The following NCAM2 variants were observed in gnomAD, a reference collection of about 807,000 sequenced individuals.
NCAM2 encodes neural cell adhesion molecule 2, also known as N-CAM-2.
In NCAM2, 30 loss-of-function variants were observed where a neutral mutation model predicts 98.1. The observed-to-expected ratio is 0.31, with a 90% CI of 0.23 to 0.41. NCAM2 has a LOEUF of 0.41. Ranked by LOEUF, NCAM2 falls within the 10% of genes least tolerant of loss-of-function variation. The probability of loss-of-function intolerance (pLI) is 1.00; values close to 1 mark genes in which losing one functional copy is unlikely to be tolerated. For synonymous variants in NCAM2, 368 were observed against 342.4 expected, an observed-to-expected ratio of 1.07 and a Z score of -0.83; for missense variants, 867 against 1,005.8, an observed-to-expected ratio of 0.86 and a Z score of 1.87.
At chr21:21,054,016 G>A (rs531149186) in intron 1 of NCAM2, among the ~76,000 whole-genome samples, 1 of 151,158 alleles carries the variant, frequency 6.6e-6, no homozygotes, top group Admixed American at 6.6e-5. Context: ...TTTGGAAGGT[G>A]ATCCTTGGAA....
chr21:21,237,521 T>C (rs544704431), intron 1 of NCAM2, among the ~76,000 whole-genome samples: 2 of 152,300 alleles, frequency 1.3e-5, no homozygotes, highest in East Asian at 1.9e-4. Flanking sequence ...CTTTAAATGA[T>C]CTTTTAGCTT....
At chr21:21,028,227 G>T (rs2146211052) in intron 1 of NCAM2, among the ~76,000 whole-genome samples, 1 of 152,204 alleles carries the variant, frequency 6.6e-6, no homozygotes, top group East Asian at 1.9e-4. Context: ...TCATTGGATT[G>T]TTGTTTTTAC....
rs76191754 is a variant in NCAM2 at position 21,513,844 on chromosome 21, A to G, written c.2282+4789A>G. ...TAGGATCTTTCTCTCTAGGTCAAAT[A>G]CTATTTGCATTATATATCAAGGTTT... On this transcript the variant is annotated intron_variant, in intron 16 of 17. Coordinates refer to ENST00000400546, the MANE Select transcript of NCAM2 (RefSeq NM_004540.5). Among the ~76,000 whole-genome samples, 1,237 of 152,190 alleles carry G rather than the reference A, an allele frequency of 8.1e-3. 8 individuals carry two copies. The highest frequency in any genetic ancestry group is 0.015 in the South Asian group (71 of 4,828).
At chr21:21,071,627 A>C (rs80011250) in intron 1 of NCAM2, among the ~76,000 whole-genome samples, 15,624 of 152,220 alleles carry the variant, frequency 0.1, 885 homozygotes, top group East Asian at 0.18. Flanking sequence ...AAATAAAGTT[A>C]GAAGTGAAAA....
intron 11 of NCAM2, among the ~76,000 whole-genome samples, chr21:21,426,911 A>T (rs959686715): frequency 4.6e-5 from 7 of 152,190 alleles, no homozygotes; most frequent in Admixed American, 3.9e-4. Flanking sequence ...GTATAATTTG[A>T]CTCTGAGTGT....
chr21:21,326,468 A>C lies in NCAM2; in HGVS notation c.737+1968A>C, dbSNP rs190973444. On this transcript the variant is annotated intron_variant, in intron 6 of 17. Transcript: ENST00000400546. ...CAACCCTTTCAAATAACAGCTTACC[A>C]ATTACTTCTCACCAGAATACCAAGA... Among the ~76,000 whole-genome samples, 53 of 152,284 alleles carry C rather than the reference A, an allele frequency of 3.5e-4. No individual in the cohort carries two copies. In the East Asian group the frequency reaches 9.5e-3, roughly 27 times the overall value.
At chr21:21,091,623 A>G (rs946312167) in intron 1 of NCAM2, among the ~76,000 whole-genome samples, 2 of 152,280 alleles carry the variant, frequency 1.3e-5, no homozygotes, top group Admixed American at 6.5e-5. Flanking sequence ...TCTTACATGG[A>G]TAAGGATTAC....
At chr21:21,523,456 T>A (rs1387810214) in intron 16 of NCAM2, among the ~76,000 whole-genome samples, 2 of 151,432 alleles carry the variant, frequency 1.3e-5, no homozygotes, top group African/African-American at 2.4e-5. Context: ...AGGCTGTCCT[T>A]TCCCTAATAT....
intron 16 of NCAM2, among the ~76,000 whole-genome samples, chr21:21,523,100 T>A (rs182067864): frequency 6.6e-6 from 1 of 152,232 alleles, no homozygotes; most frequent in Non-Finnish European, 1.5e-5. Flanking sequence ...TCCTTGTTAA[T>A]TGAATAGTTT....
chr21:21,506,810 A>G, intron 15 of NCAM2, among the ~76,000 whole-genome samples: 1 of 152,166 alleles, frequency 6.6e-6, no homozygotes, highest in South Asian at 2.1e-4. Context: ...ACATTAATAC[A>G]TTATTTTTTT....
At chr21:21,380,660 A>G (rs964399670) in intron 9 of NCAM2, among the ~76,000 whole-genome samples, 11 of 151,886 alleles carry the variant, frequency 7.2e-5, no homozygotes, top group African/African-American at 2.7e-4. Flanking sequence ...TCTTTCTCAC[A>G]TCATATCACT....
chr21:21,062,561 G>C (rs59818785), intron 1 of NCAM2, among the ~76,000 whole-genome samples: 26,973 of 152,124 alleles, frequency 0.18, 2,614 homozygotes, highest in Non-Finnish European at 0.19. Flanking sequence ...AGGAGCTAAC[G>C]CTACCGATAT....
chr21:21,482,512 A>C (rs1985980991), intron 15 of NCAM2, among the ~76,000 whole-genome samples: 1 of 152,120 alleles, frequency 6.6e-6, no homozygotes, highest in South Asian at 2.1e-4. Context: ...TGTCAAAATA[A>C]GTTTTCTGGA....
intron 1 of NCAM2, among the ~76,000 whole-genome samples, chr21:21,193,240 G>GTATGCA (rs1568747854): frequency 6.6e-6 from 1 of 151,502 alleles, no homozygotes; most frequent in East Asian, 1.9e-4. Context: ...AGGATTATAG[G>GTATGCA]TATGCAATAT....
chr21:21,286,179 C>A, intron 3 of NCAM2, 90 bp from the exon 4 acceptor site: 2 of 1,324,380 alleles, frequency 1.5e-6, no homozygotes, highest in South Asian at 1.5e-5. Context: ...ATTATAGTAT[C>A]AATAGAGTCT....
intron 1 of NCAM2, among the ~76,000 whole-genome samples, chr21:21,033,906 T>C (rs536982816): frequency 2.0e-5 from 3 of 152,260 alleles, no homozygotes; most frequent in South Asian, 2.1e-4. Flanking sequence ...TCCGAAAGTA[T>C]GTCAAAGTAA....
intron 1 of NCAM2, among the ~76,000 whole-genome samples, chr21:21,262,610 C>G (rs2071950031): frequency 6.8e-6 from 1 of 147,074 alleles, no homozygotes; most frequent in Admixed American, 6.9e-5. Flanking sequence ...TCCTCTCTCA[C>G]CACTCCTATT....
chr21:21,258,411 A>G (rs1225766691), intron 1 of NCAM2, among the ~76,000 whole-genome samples: 4 of 152,150 alleles, frequency 2.6e-5, no homozygotes, highest in Admixed American at 2.6e-4. Flanking sequence ...GCCCATGGGA[A>G]CTAGGTGGGG....
intron 8 of NCAM2, among the ~76,000 whole-genome samples, chr21:21,361,896 T>A (rs2075655690): frequency 6.6e-6 from 1 of 152,206 alleles, no homozygotes; most frequent in African/African-American, 2.4e-5. Context: ...TAGAAATACA[T>A]TTTTTAACTG....
Sources: gnomAD v4.1 joint callset for allele counts (sites outside exome capture counted in the v4.1 genomes callset) on GRCh38, gnomAD v4.1.1 for gene constraint, MANE v1.5 for transcripts, NCBI Gene and HGNC (gene_info 2026-07-23, HGNC 2026-07-21) for gene names.